SLC9A8: variants seen among roughly 807,000 people sequenced by gnomAD.
The protein encoded by SLC9A8 is sodium/hydrogen exchanger 8.
In SLC9A8, 48 loss-of-function variants were observed where a neutral mutation model predicts 66.6. The observed-to-expected ratio is 0.72, with a 90% CI of 0.57 to 0.92. The LOEUF is 0.92. SLC9A8 is among the 40% of genes least tolerant of loss of function. SLC9A8 has a pLI of 0.00. For missense variants in SLC9A8, 599 were observed against 747.3 expected, an observed-to-expected ratio of 0.80 and a Z score of 2.31; for synonymous variants, 274 against 282.6, an observed-to-expected ratio of 0.97 and a Z score of 0.31.
chr20:49,824,704 A>G (rs1016495010), intron 3 of SLC9A8, among the ~76,000 whole-genome samples: 1 of 152,160 alleles, frequency 6.6e-6, no homozygotes, highest in Non-Finnish European at 1.5e-5. Context: ...TGGCTTACCA[A>G]AGAGTCATTT....
At chr20:49,843,589 A>C (rs2146580280) in intron 4 of SLC9A8, among the ~76,000 whole-genome samples, 1 of 152,318 alleles carries the variant, frequency 6.6e-6, no homozygotes, top group South Asian at 2.1e-4. Context: ...TATTACACAT[A>C]ACCATTTTGG....
At chr20:49,885,758 A>G (rs2089865287) in intron 14 of SLC9A8, among the ~76,000 whole-genome samples, 1 of 152,202 alleles carries the variant, frequency 6.6e-6, no homozygotes, top group Non-Finnish European at 1.5e-5. Context: ...CGCTTTCATT[A>G]TACCCACTTT....
At chr20:49,825,608 A>G (rs1044763206) in intron 3 of SLC9A8, among the ~76,000 whole-genome samples, 1 of 152,118 alleles carries the variant, frequency 6.6e-6, no homozygotes, top group Non-Finnish European at 1.5e-5. Context: ...ACGCCAGGGC[A>G]CTCCAGCCTG....
Position 49,889,791 on chromosome 20 carries a change from T to C in SLC9A8, c.*1855T>C, listed in dbSNP as rs1182345136. 1 of 152,194 alleles carries C rather than the reference T, an allele frequency of 6.6e-6. No individual in the cohort carries two copies. The highest frequency in any genetic ancestry group is 1.5e-5 in the Non-Finnish European group (1 of 68,032). The allele number at this position is 152,194 out of a possible 1,614,324, so 9.4% of individuals were successfully genotyped here. ...GTGCGGGCAGGGATCTGAGACCAGA[T>C]TGTTCTCGCACCCCTGCCAGAACTC... On this transcript the variant is annotated 3_prime_UTR_variant, in exon 16 of 16. Coordinates refer to ENST00000361573, the MANE Select transcript of SLC9A8 (RefSeq NM_015266.3).
Position 49,859,115 on chromosome 20 carries a change from A to G in SLC9A8, c.713+3534A>G, listed in dbSNP as rs561407351. On this transcript the variant is annotated intron_variant, in intron 8 of 15. Coordinates refer to ENST00000361573, the MANE Select transcript of SLC9A8 (RefSeq NM_015266.3). Reference sequence around the variant, plus strand: ...TTGGATCTGTGGAGCATGCATATATAGTTTCCAGCCTCTTCCTCTACCAGC... The same window carrying G: ...TTGGATCTGTGGAGCATGCATATATGGTTTCCAGCCTCTTCCTCTACCAGC... Among the ~76,000 whole-genome samples, 284 of 152,298 alleles carry G rather than the reference A, an allele frequency of 1.9e-3. 1 individual carries two copies. Among genetic ancestry groups the G allele is most frequent in the African/African-American group, 6.5e-3 (269 of 41,576 alleles).
intron 2 of SLC9A8, among the ~76,000 whole-genome samples, chr20:49,815,661 C>T (rs751242704): frequency 5.3e-5 from 8 of 152,064 alleles, no homozygotes; most frequent in Non-Finnish European, 8.8e-5. Context: ...ACGAGAATCA[C>T]TTGAACCTGA....
At chr20:49,863,142 G>GT in intron 9 of SLC9A8, 75 bp downstream of exon 9, 1 of 1,340,496 alleles carries the variant, frequency 7.5e-7, no homozygotes, top group Non-Finnish European at 1.0e-6. Flanking sequence ...AGTTTCTCCT[G>GT]TTTTTTAAGG....
chr20:49,883,015 A>AC (rs986605821), intron 13 of SLC9A8, among the ~76,000 whole-genome samples: 11 of 55,496 alleles, frequency 2.0e-4, no homozygotes, highest in Admixed American at 1.7e-3. Context: ...CCCACCCCCC[A>AC]CCCCCCTCCC....
chr20:49,824,466 T>C (rs2086847398), intron 3 of SLC9A8, among the ~76,000 whole-genome samples: 1 of 152,260 alleles, frequency 6.6e-6, no homozygotes, highest in Admixed American at 6.5e-5. Context: ...CTCTAAGAAC[T>C]ACTCCAAGGA....
intron 3 of SLC9A8, among the ~76,000 whole-genome samples, chr20:49,837,521 CT>C (rs1215111962): frequency 6.6e-6 from 1 of 151,922 alleles, no homozygotes; most frequent in Non-Finnish European, 1.5e-5. Context: ...TGTATATCTT[CT>C]TTTCCAAAAT....
intron 5 of SLC9A8, among the ~76,000 whole-genome samples, chr20:49,848,016 C>A (rs998017412): frequency 6.6e-6 from 1 of 151,396 alleles, no homozygotes; most frequent in African/African-American, 2.4e-5. Flanking sequence ...ACCTCGGCCC[C>A]CTGGGTTCAA....
intron 12 of SLC9A8, among the ~76,000 whole-genome samples, chr20:49,880,278 A>G (rs1037432449): frequency 1.3e-5 from 2 of 151,640 alleles, no homozygotes; most frequent in Non-Finnish European, 1.5e-5. Flanking sequence ...AAAAAAAAAA[A>G]AGATGTAAAC....
chr20:49,828,017 G>A (rs1336986780), intron 3 of SLC9A8, among the ~76,000 whole-genome samples: 2 of 148,274 alleles, frequency 1.3e-5, no homozygotes, highest in African/African-American at 5.0e-5. Flanking sequence ...TTTAGAATTT[G>A]TCGAGCAGGC....
At chr20:49,847,268 AATCTT>A (rs2088036641) in intron 5 of SLC9A8, among the ~76,000 whole-genome samples, 4 of 152,314 alleles carry the variant, frequency 2.6e-5, no homozygotes, top group South Asian at 2.1e-4. Flanking sequence ...TTTGTAAACA[AATCTT>A]AACTGTAAGC....
chr20:49,831,433 GTC>G (rs72028031), intron 3 of SLC9A8, among the ~76,000 whole-genome samples: 18 of 125,130 alleles, frequency 1.4e-4, no homozygotes, highest in African/African-American at 4.1e-4. Context: ...CTCTCTCTCT[GTC>G]TCTCTCTCTC....
intron 4 of SLC9A8, among the ~76,000 whole-genome samples, chr20:49,841,524 G>A (rs1251795406): frequency 1.3e-5 from 2 of 151,800 alleles, no homozygotes; most frequent in Non-Finnish European, 2.9e-5. Context: ...GTATTATCAT[G>A]TGCTTAATAT....
Position 49,864,705 on chromosome 20 carries a change from C to G in SLC9A8, c.853-34C>G. 4 of 1,493,662 alleles carry G rather than the reference C, an allele frequency of 2.7e-6. No homozygotes were observed. In the South Asian group the frequency reaches 4.5e-5, roughly 17 times the overall value. The allele number at this position is 1,493,662 out of a possible 1,614,324, so 92.5% of individuals were successfully genotyped here. Reference sequence around the variant, plus strand: ...TTCTCCACATCTCCCATCAACTCTCCCTCGATTCTCCTTCCTTGACAGTTG... The same window carrying G: ...TTCTCCACATCTCCCATCAACTCTCGCTCGATTCTCCTTCCTTGACAGTTG... On this transcript the variant is annotated intron_variant, in intron 9 of 15. Coordinates refer to ENST00000361573, the MANE Select transcript of SLC9A8 (RefSeq NM_015266.3).
chr20:49,846,905 A>G (rs544607541), intron 5 of SLC9A8, among the ~76,000 whole-genome samples: 1 of 152,360 alleles, frequency 6.6e-6, no homozygotes, highest in Admixed American at 6.5e-5. Context: ...CCTGAGTGAT[A>G]GAGGGAGACT....
intron 11 of SLC9A8, among the ~76,000 whole-genome samples, chr20:49,875,193 C>T (rs1166659519): frequency 6.6e-6 from 1 of 150,694 alleles, no homozygotes; most frequent in African/African-American, 2.4e-5. Context: ...GCATGGGGCT[C>T]ACACCTGTAA....
Sources: allele counts gnomAD v4.1 joint callset (sites outside exome capture counted in the v4.1 genomes callset), GRCh38; gene constraint gnomAD v4.1.1; transcripts MANE v1.5; gene names NCBI Gene and HGNC (gene_info 2026-07-23, HGNC 2026-07-21).